The following PLCG2 variants were observed in gnomAD, a reference collection of about 807,000 sequenced individuals.
PLCG2 encodes phospholipase C gamma 2, also known as 1-phosphatidylinositol 4,5-bisphosphate phosphodiesterase gamma-2.
PLCG2 carries 69 observed loss-of-function variants against 175.6 expected under a neutral mutation model. The observed-to-expected ratio is 0.39, with a 90% CI of 0.32 to 0.48. The LOEUF (loss-of-function observed/expected upper bound fraction) is 0.48, where lower values mean the gene tolerates loss of function less well. Among genes scored for constraint, PLCG2 ranks in the 20% least tolerant of loss-of-function variants. The pLI, the probability that PLCG2 is intolerant of heterozygous loss-of-function variation, is 0.91. For missense variants in PLCG2, 1,798 were observed against 1,650.9 expected (o/e 1.09, Z -1.54); for synonymous variants, 827 against 624.0 (o/e 1.33, Z -4.85).
intron 2 of PLCG2, among the ~76,000 whole-genome samples, chr16:81,853,761 G>C (rs1206976874): frequency 6.6e-6 from 1 of 152,042 alleles, no homozygotes; most frequent in East Asian, 1.9e-4. Flanking sequence ...AAGGGCAGCT[G>C]GCTATATAAG....
At chr16:81,952,815 T>A (rs1471240103) in intron 31 of PLCG2, among the ~76,000 whole-genome samples, 2 of 152,190 alleles carry the variant, frequency 1.3e-5, no homozygotes, top group African/African-American at 2.4e-5. Flanking sequence ...TACTGATGAA[T>A]GCAAAATGAA....
chr16:81,769,652 C>T (rs1910230901), intron 2 of PLCG2, among the ~76,000 whole-genome samples: 2 of 151,856 alleles, frequency 1.3e-5, no homozygotes, highest in Non-Finnish European at 2.9e-5. Flanking sequence ...CCCGTCTCTA[C>T]TAAAAATACA....
At chr16:81,951,655 C>G (rs902809013) in intron 31 of PLCG2, among the ~76,000 whole-genome samples, 1 of 152,158 alleles carries the variant, frequency 6.6e-6, no homozygotes, top group African/African-American at 2.4e-5. Flanking sequence ...AGACCAATGT[C>G]ATGTGTGAAT....
Position 81,959,012 on chromosome 16 carries a change from A to T in PLCG2, c.*1014A>T. On this transcript the variant is annotated 3_prime_UTR_variant, in exon 33 of 33. Coordinates refer to ENST00000564138, the MANE Select transcript of PLCG2 (RefSeq NM_002661.5). ...CCCTTGGGGCAGATCTACCTAGTTCATGACAGTATGTGCGGCTGGCCAGGG... is the reference window on the plus strand; with the variant it reads ...CCCTTGGGGCAGATCTACCTAGTTCTTGACAGTATGTGCGGCTGGCCAGGG... 1 of 223,654 alleles carries T rather than the reference A, an allele frequency of 4.5e-6. No homozygotes were observed. The highest frequency in any genetic ancestry group is 8.9e-6 in the Non-Finnish European group (1 of 112,008). The allele number at this position is 223,654 out of a possible 1,614,324, so 13.9% of individuals were successfully genotyped here.
chr16:81,805,632 C>G (rs770672165), intron 2 of PLCG2, among the ~76,000 whole-genome samples: 1 of 151,946 alleles, frequency 6.6e-6, no homozygotes, highest in African/African-American at 2.4e-5. Flanking sequence ...CCCCTTCCCC[C>G]ACCCCACTCA....
At chr16:81,801,446 T>C (rs999885254) in intron 2 of PLCG2, among the ~76,000 whole-genome samples, 1 of 152,154 alleles carries the variant, frequency 6.6e-6, no homozygotes, top group Non-Finnish European at 1.5e-5. Flanking sequence ...TTGTGAAGAT[T>C]TTCCATGTTG....
chr16:81,862,894 A>C (rs1455608369), intron 5 of PLCG2, among the ~76,000 whole-genome samples: 3 of 152,190 alleles, frequency 2.0e-5, no homozygotes, highest in South Asian at 4.1e-4. Flanking sequence ...AAAACAAAAC[A>C]AAACCAAAAA....
rs1425405951 is a variant in PLCG2, at chr16:81,959,862, G to A, written c.*1864G>A. The A allele has an allele frequency of 5.3e-6, 1 of 187,424 alleles. No homozygotes were observed. The highest frequency in any genetic ancestry group is 1.1e-5 in the Non-Finnish European group (1 of 89,000). 11.6% of individuals were successfully genotyped at this position (187,424 alleles called of 1,614,324 possible). A position where few individuals can be genotyped will look rare whatever the true frequency, so the allele number is the denominator to read the frequency against. The stretch of plus-strand genomic sequence containing the variant: ...CACACAGCAGAGCTCAGGTGTTGCT[G>A]TCATTACCTCCTTTCAGCTCCTCAC... On this transcript the variant is annotated 3_prime_UTR_variant, in exon 33 of 33. Transcript: ENST00000564138.
chr16:81,870,391 A>C (rs11644646), intron 6 of PLCG2, among the ~76,000 whole-genome samples: 9,773 of 152,232 alleles, frequency 0.064, 342 homozygotes, highest in Middle Eastern at 0.13. Flanking sequence ...CTGACTCCCA[A>C]TGCTTTACAA....
At chr16:81,739,230 C>G (rs897159897) in exon 1 of PLCG2, 1 of 152,022 alleles carries the variant, frequency 6.6e-6, no homozygotes, top group African/African-American at 2.4e-5. Context: ...TATTAGTTCA[C>G]CCCTAGCTTC....
intron 6 of PLCG2, among the ~76,000 whole-genome samples, chr16:81,870,344 C>G (rs1429176590): frequency 6.6e-6 from 1 of 152,116 alleles, no homozygotes; most frequent in Non-Finnish European, 1.5e-5. Flanking sequence ...GGAAATTGCC[C>G]AAAGCCATAA....
At chr16:81,934,331 A>C (rs561726136) in intron 25 of PLCG2, 98 bp from the exon 26 acceptor site, 2 of 733,072 alleles carry the variant, frequency 2.7e-6, no homozygotes, top group African/African-American at 1.7e-5. Flanking sequence ...CCGAGTGTGC[A>C]AGAAAGCAAA....
chr16:81,773,076 A>C (rs1910318338), intron 2 of PLCG2, among the ~76,000 whole-genome samples: 1 of 152,186 alleles, frequency 6.6e-6, no homozygotes, highest in African/African-American at 2.4e-5. Context: ...CCAAATGTGG[A>C]AAATCCCATT....
intron 23 of PLCG2, among the ~76,000 whole-genome samples, chr16:81,928,212 T>C (rs1024070265): frequency 6.6e-6 from 1 of 152,118 alleles, no homozygotes; most frequent in African/African-American, 2.4e-5. Flanking sequence ...CGGGCTTTAG[T>C]AGGCAAAATA....
rs1460537979 is a variant in PLCG2 at position 81,910,510 on chromosome 16, C to T, written c.1734-10C>T. On this transcript the variant is annotated splice_polypyrimidine_tract_variant and intron_variant, in intron 17 of 32. Coordinates refer to ENST00000564138, the MANE Select transcript of PLCG2 (RefSeq NM_002661.5). ...GTTCTCCCAGCACTGATGGCGTCCT[C>T]TCCCCGCAGGCGGTCAGGCCGGGTC... 1.9e-6 allele frequency: 3 copies of T among 1,613,376 alleles called. No individual in the cohort carries two copies. Among genetic ancestry groups the T allele is most frequent in the Admixed American group, 1.7e-5 (1 of 60,024 alleles).
At chr16:81,830,156 C>G (rs532036226) in intron 2 of PLCG2, among the ~76,000 whole-genome samples, 2 of 152,084 alleles carry the variant, frequency 1.3e-5, no homozygotes, top group South Asian at 4.2e-4. Flanking sequence ...CCTGTCTCTA[C>G]AAAAAGTACA....
chr16:81,844,623 A>G (rs569319259), intron 2 of PLCG2, among the ~76,000 whole-genome samples: 4 of 152,340 alleles, frequency 2.6e-5, no homozygotes, highest in African/African-American at 9.6e-5. Context: ...TGCCTGGCCC[A>G]CACCTTCACT....
At chr16:81,904,540 C>T (rs1032064536) in intron 14 of PLCG2, among the ~76,000 whole-genome samples, 10 of 152,202 alleles carry the variant, frequency 6.6e-5, no homozygotes, top group East Asian at 3.8e-4. Context: ...GTTTGCACCC[C>T]GGTCGCCTTA....
chr16:81,807,963 G>C (rs895336441), intron 2 of PLCG2, among the ~76,000 whole-genome samples: 1 of 152,230 alleles, frequency 6.6e-6, no homozygotes, highest in African/African-American at 2.4e-5. Context: ...TCATCCCCAT[G>C]ATCCAGTCAC....
Sources: gnomAD v4.1 joint callset for allele counts (sites outside exome capture counted in the v4.1 genomes callset) on GRCh38, gnomAD v4.1.1 for gene constraint, MANE v1.5 for transcripts, NCBI Gene and HGNC (gene_info 2026-07-23, HGNC 2026-07-21) for gene names.